ACSS1: variants seen among roughly 807,000 people sequenced by gnomAD.
ACSS1 encodes acyl-CoA synthetase short chain family member 1.
ACSS1 carries 42 observed loss-of-function variants against 75.3 expected under a neutral mutation model. The observed-to-expected ratio is 0.56, with a 90% CI of 0.44 to 0.72. ACSS1 has a LOEUF of 0.72. Ranked by LOEUF, ACSS1 falls within the 30% of genes least tolerant of loss-of-function variation. The pLI is 0.00. For missense variants in ACSS1, 782 were observed against 935.7 expected, an observed-to-expected ratio of 0.84 and a Z score of 2.14; for synonymous variants, 380 against 376.8, an observed-to-expected ratio of 1.01 and a Z score of -0.10.
chr20:25,028,562 A>T (rs773860148), intron 3 of ACSS1, among the ~76,000 whole-genome samples: 1 of 152,246 alleles, frequency 6.6e-6, no homozygotes, highest in South Asian at 2.1e-4. Flanking sequence ...CTGGATAGCC[A>T]TAGGACAAAG....
Position 25,013,976 on chromosome 20 carries a change from G to C in ACSS1, c.1437C>G (p.Val479=). Residue 479 remains valine (V), a synonymous_variant, in exon 9 of 14, where the codon GTC becomes GTG. Transcript: ENST00000323482. ...AMRPFFGIVP[V]LMDEKGSVVE... The stretch of plus-strand genomic sequence containing the variant: ...CCATACACACCTTCTCATCCATGAG[G>C]ACGGGGACGATGCCAAAGAAGGGCC... The C allele has an allele frequency of 6.2e-7, 1 of 1,613,702 alleles. No homozygotes were observed. The highest frequency in any genetic ancestry group is 1.1e-5 in the South Asian group (1 of 91,018).
intron 10 of ACSS1, 138 bp from the exon 11 acceptor site, chr20:25,013,077 C>A: frequency 7.6e-7 from 1 of 1,324,256 alleles, no homozygotes; most frequent in Non-Finnish European, 1.0e-6. Context: ...TCCGATGCTT[C>A]CCTATGTTCT....
intron 2 of ACSS1, among the ~76,000 whole-genome samples, chr20:25,043,337 C>A (rs1445477258): frequency 2.6e-5 from 4 of 152,200 alleles, no homozygotes; most frequent in African/African-American, 9.7e-5. Context: ...CCAGGGCTGA[C>A]AACAGAAACA....
rs376385288 is a variant in ACSS1, at chr20:25,056,668, G to T, written c.334+1101C>A. Reference sequence around the variant, plus strand: ...CAATGAGGAGACTGAGGGCTGGGGGGGCAGAACAACAAGGACAACTGAGGG... The same window carrying T: ...CAATGAGGAGACTGAGGGCTGGGGGTGCAGAACAACAAGGACAACTGAGGG... On this transcript the variant is annotated intron_variant, in intron 1 of 13. Coordinates refer to ENST00000323482, the MANE Select transcript of ACSS1 (RefSeq NM_032501.4). Among the ~76,000 whole-genome samples, 51 of 152,284 alleles carry T rather than the reference G, an allele frequency of 3.3e-4. 1 individual carries two copies. The highest frequency in any genetic ancestry group is 9.7e-4 in the East Asian group (5 of 5,176).
intron 2 of ACSS1, among the ~76,000 whole-genome samples, chr20:25,037,005 AAAGGAAGG>A (rs146710264): frequency 1.6e-3 from 209 of 131,946 alleles, no homozygotes; most frequent in African/African-American, 5.1e-3. Flanking sequence ...AAGAAGAAAG[AAAGGAAGG>A]AAGGAAGGAA....
chr20:25,050,613 T>A lies in ACSS1; in HGVS notation c.335-2432A>T, dbSNP rs185256711. ...ACGCCCTCTGCATGGCCTGGTGACC[T>A]GCCCAAGGCCCCAGCCAAGATGAAG... On this transcript the variant is annotated intron_variant, in intron 1 of 13. Transcript: ENST00000323482. Among the ~76,000 whole-genome samples, 310 of 152,160 alleles carry A rather than the reference T, an allele frequency of 2.0e-3. 2 individuals carry two copies. The highest frequency in any genetic ancestry group is 3.5e-3 in the Admixed American group (53 of 15,298).
rs1243623417 is a variant in ACSS1, at chr20:25,013,810, C to T, written c.1453-148G>A. The T allele has an allele frequency of 1.8e-5, 24 of 1,330,364 alleles. 1 individual carries two copies. The Admixed American group carries it at 3.0e-4, about 17-fold the overall frequency. The allele number at this position is 1,330,364 out of a possible 1,614,324, so 82.4% of individuals were successfully genotyped here. ...CCCAAGCCACCTGTGTGGCCACTAC[C>T]CAGTGCATGATACCAGCTGCAGTGA... On this transcript the variant is annotated intron_variant, in intron 9 of 13. Coordinates refer to ENST00000323482, the MANE Select transcript of ACSS1 (RefSeq NM_032501.4).
At chr20:25,008,018 G>T in intron 13 of ACSS1, 77 bp from the exon 14 acceptor site, 1 of 1,517,512 alleles carries the variant, frequency 6.6e-7, no homozygotes, top group Non-Finnish European at 8.9e-7. Context: ...ATTAAGATCA[G>T]AAGGGCTCTG....
chr20:25,023,068 A>G lies in ACSS1; in HGVS notation c.832T>C (p.Cys278Arg). The G allele has an allele frequency of 6.2e-7, 1 of 1,613,550 alleles. No homozygotes were observed. Among genetic ancestry groups the G allele is most frequent in the Non-Finnish European group, 8.5e-7 (1 of 1,179,762 alleles). ...TCACTGCCCATGCTCTCTGGGGCGCAAACAGGGTCCTCCTTGGCCATTTCC... is the reference window on the plus strand; with the variant it reads ...TCACTGCCCATGCTCTCTGGGGCGCGAACAGGGTCCTCCTTGGCCATTTCC... ...EQEMAKEDPVCAPESMGSEDM... is the reference protein window; with the variant it reads ...EQEMAKEDPVRAPESMGSEDM... Residue 278 changes from cysteine to arginine, a missense_variant, in exon 5 of 14, where the codon TGC becomes CGC. Around this residue, in one of 2 missense-constraint regions of ACSS1, gnomAD observed 377 missense variants for 383.1 expected, o/e 0.98. Coordinates refer to ENST00000323482, the MANE Select transcript of ACSS1 (RefSeq NM_032501.4).
intron 13 of ACSS1, 104 bp from the exon 14 acceptor site, chr20:25,008,045 T>TCC: frequency 7.3e-7 from 1 of 1,371,154 alleles, no homozygotes; most frequent in African/African-American, 1.5e-5. Flanking sequence ...GGGGATGCCC[T>TCC]CCCGGGGATC....
intron 2 of ACSS1, among the ~76,000 whole-genome samples, chr20:25,041,030 G>T (rs1044461263): frequency 1.1e-4 from 17 of 152,188 alleles, no homozygotes; most frequent in Admixed American, 1.0e-3. Context: ...AGGCCAAGGC[G>T]GGTGGATCAC....
chr20:25,034,200 T>C (rs1486844833), intron 2 of ACSS1, among the ~76,000 whole-genome samples: 1 of 152,208 alleles, frequency 6.6e-6, no homozygotes, highest in Non-Finnish European at 1.5e-5. Context: ...GTCCAGCCTC[T>C]ACTTAATCAT....
Position 25,037,791 on chromosome 20 carries a change from G to A in ACSS1, c.432-6833C>T, listed in dbSNP as rs552048454. 2.6e-5 allele frequency among the ~76,000 whole-genome samples: 4 copies of A among 152,330 alleles called. No individual in the cohort carries two copies. In the South Asian group the frequency reaches 6.2e-4, roughly 24 times the overall value. On this transcript the variant is annotated intron_variant, in intron 2 of 13. Coordinates refer to ENST00000323482, the MANE Select transcript of ACSS1 (RefSeq NM_032501.4). ...CACGCAAAGCATGGATGGCCAGCTC[G>A]CATCTCATGGACCCAGGCCTGGGGA...
rs1354599555 is a variant in ACSS1, at chr20:25,006,579, G to A, written c.*1183C>T. The A allele has an allele frequency of 2.4e-6, 1 of 425,382 alleles. No homozygotes were observed. Among genetic ancestry groups the A allele is most frequent in the Admixed American group, 3.6e-5 (1 of 27,932 alleles). The allele number at this position is 425,382 out of a possible 1,614,324, so 26.4% of individuals were successfully genotyped here. On this transcript the variant is annotated 3_prime_UTR_variant, in exon 14 of 14. Transcript: ENST00000323482. The stretch of plus-strand genomic sequence containing the variant: ...CACAAGGCCCTGAAGGGTAGACTGT[G>A]GGGCAAAGAGGACAAACTCTCCCTC...
At chr20:25,042,442 C>T (rs971291131) in intron 2 of ACSS1, among the ~76,000 whole-genome samples, 10 of 152,182 alleles carry the variant, frequency 6.6e-5, no homozygotes, top group Admixed American at 4.6e-4. Flanking sequence ...CGGGACTCCA[C>T]GCCTCACCCC....
Position 25,030,881 on chromosome 20 carries a change from A to G in ACSS1, c.509T>C (p.Ile170Thr), listed in dbSNP as rs1232298571. 6.2e-7 allele frequency: 1 copy of G among 1,614,230 alleles called. No homozygotes were observed. Among genetic ancestry groups the G allele is most frequent in the Admixed American group, 1.7e-5 (1 of 60,028 alleles). ...AGCCAATGGGGACACGGGCATGTAGATGGCAACACGGTCCCCACGGTGGAC... is the reference window on the plus strand; with the variant it reads ...AGCCAATGGGGACACGGGCATGTAGGTGGCAACACGGTCCCCACGGTGGAC... ...HGVHRGDRVA[I>T]YMPVSPLAVA... is the part of the protein sequence containing the mutation. Residue 170 changes from isoleucine (I) to threonine (T), a missense_variant, in exon 3 of 14, where the codon ATC becomes ACC. Coordinates refer to ENST00000323482, the MANE Select transcript of ACSS1 (RefSeq NM_032501.4).
intron 1 of ACSS1, among the ~76,000 whole-genome samples, chr20:25,051,753 G>A (rs1451396311): frequency 6.6e-6 from 1 of 152,180 alleles, no homozygotes; most frequent in Admixed American, 6.5e-5. Context: ...TGGCAGCCTG[G>A]AGTCACCACT....
At chr20:25,041,394 A>T (rs969906912) in intron 2 of ACSS1, among the ~76,000 whole-genome samples, 3 of 152,200 alleles carry the variant, frequency 2.0e-5, no homozygotes, top group Non-Finnish European at 2.9e-5. Flanking sequence ...GAGGGTCTGC[A>T]TAAGCTCACG....
intron 13 of ACSS1, among the ~76,000 whole-genome samples, chr20:25,008,640 G>A (rs1164446441): frequency 6.6e-6 from 1 of 152,136 alleles, no homozygotes; most frequent in African/African-American, 2.4e-5. Flanking sequence ...TGAAAAGCCG[G>A]GGGTTGAAGA....
Sources: gnomAD v4.1 joint callset for allele counts (sites outside exome capture counted in the v4.1 genomes callset) on GRCh38, gnomAD v4.1.1 for gene constraint, gnomAD v4.1.1 regional missense constraint, MANE v1.5 for transcripts, NCBI Gene and HGNC (gene_info 2026-07-23, HGNC 2026-07-21) for gene names.